The following GRK5 variants were observed in gnomAD, a reference collection of about 807,000 sequenced individuals.
The protein encoded by GRK5 is g protein-coupled receptor kinase GRK5.
In GRK5, 40 loss-of-function variants were observed where a neutral mutation model predicts 78.4. The observed-to-expected ratio is 0.51, with a 90% CI of 0.40 to 0.66. The LOEUF is 0.66. Ranked by LOEUF, GRK5 falls within the 30% of genes least tolerant of loss-of-function variation. The pLI is 0.00. For synonymous variants in GRK5, 289 were observed against 296.8 expected (o/e 0.97, Z 0.27); for missense variants, 598 against 759.9 (o/e 0.79, Z 2.50).
chr10:119,382,923 C>CT (rs71016567), intron 3 of GRK5, among the ~76,000 whole-genome samples: 8,950 of 149,080 alleles, frequency 0.06, 394 homozygotes, highest in Non-Finnish European at 0.088. Flanking sequence ...ATATTTCTTT[C>CT]TTTTTTTTTT....
At chr10:119,425,771 T>C (rs1218193501) in intron 6 of GRK5, among the ~76,000 whole-genome samples, 1 of 152,266 alleles carries the variant, frequency 6.6e-6, no homozygotes, top group Non-Finnish European at 1.5e-5. Context: ...TGTCTTTTCT[T>C]GTGTGCTTGC....
At chr10:119,374,206 G>T (rs1180855386) in intron 2 of GRK5, among the ~76,000 whole-genome samples, 1 of 152,204 alleles carries the variant, frequency 6.6e-6, no homozygotes, top group African/African-American at 2.4e-5. Flanking sequence ...GGGGCTTAGA[G>T]GTTATTATTC....
intron 1 of GRK5, among the ~76,000 whole-genome samples, chr10:119,297,179 A>G (rs918350991): frequency 1.1e-4 from 17 of 152,234 alleles, no homozygotes; most frequent in African/African-American, 4.1e-4. Context: ...TTGGTTTGGA[A>G]ATAGAAGCTA....
At chr10:119,312,194 G>C (rs1850370929) in intron 1 of GRK5, among the ~76,000 whole-genome samples, 1 of 152,228 alleles carries the variant, frequency 6.6e-6, no homozygotes, top group African/African-American at 2.4e-5. Context: ...GGGATTACAG[G>C]CGTGAGCCTC....
At chr10:119,211,232 G>C (rs1271490948) in intron 1 of GRK5, among the ~76,000 whole-genome samples, 1 of 152,080 alleles carries the variant, frequency 6.6e-6, no homozygotes, top group Admixed American at 6.6e-5. Context: ...AGTGCTTAAG[G>C]AAAAAAAGAA....
rs952467654 is a variant in GRK5 at position 119,207,817 on chromosome 10, C to T, written c.-101C>T. 3.1e-5 allele frequency: 36 copies of T among 1,158,464 alleles called. No individual in the cohort carries two copies. Among genetic ancestry groups the T allele is most frequent in the Non-Finnish European group, 4.1e-5 (34 of 826,292 alleles). The allele number at this position is 1,158,464 out of a possible 1,614,324, so 71.8% of individuals were successfully genotyped here. On this transcript the variant is annotated 5_prime_UTR_variant, in exon 1 of 16. Coordinates refer to ENST00000392870, the MANE Select transcript of GRK5 (RefSeq NM_005308.3). ...GGCGGGCTGCTGGCTCCCCCGGCTC[C>T]GGCAGCAGCGGCGGCAGCCCGAGCA...
intron 2 of GRK5, among the ~76,000 whole-genome samples, chr10:119,335,236 T>C (rs528176149): frequency 3.4e-5 from 5 of 147,436 alleles, no homozygotes; most frequent in African/African-American, 1.2e-4. Context: ...TCTTTATCTT[T>C]CTCTGATATT....
chr10:119,392,983 G>GT (rs1232445749), intron 3 of GRK5, among the ~76,000 whole-genome samples: 1 of 152,250 alleles, frequency 6.6e-6, no homozygotes, highest in African/African-American at 2.4e-5. Context: ...GGGCAAGGGT[G>GT]TTCTCAGGGC....
chr10:119,411,842 C>CTTTTTTTTTTTT (rs10578557), intron 4 of GRK5, among the ~76,000 whole-genome samples: 3,040 of 95,670 alleles, frequency 0.032, 606 homozygotes, highest in Admixed American at 0.049. Context: ...AGATCTGCTT[C>CTTTTTTTTTTTT]TTTTTTTTTT....
chr10:119,208,561 C>T (rs1848428539), intron 1 of GRK5: 2 of 152,176 alleles, frequency 1.3e-5, no homozygotes, highest in Non-Finnish European at 2.9e-5. Context: ...GTACAGACCA[C>T]CTAGAAAATA....
rs1849589213 is a variant in GRK5, at chr10:119,271,953, C to T, written c.53-54563C>T. Among the ~76,000 whole-genome samples the T allele has an allele frequency of 6.6e-6, 1 of 152,200 alleles. No homozygotes were observed. Among genetic ancestry groups the T allele is most frequent in the African/African-American group, 2.4e-5 (1 of 41,448 alleles). On this transcript the variant is annotated intron_variant, in intron 1 of 15. Transcript: ENST00000392870. This position sits in a 1 kb window ranked among gnomAD's most constrained non-coding sequence, Gnocchi z 4.1. ...ACTCTTATTCCTTGTCTGTGGGGCC[C>T]TGTTTTGTGGGCTTGCCACAGTCTC...
At chr10:119,233,741 A>C in intron 1 of GRK5, among the ~76,000 whole-genome samples, 1 of 151,940 alleles carries the variant, frequency 6.6e-6, no homozygotes, top group East Asian at 1.9e-4. Context: ...GGTCAGGAGG[A>C]GCCAGCCCCC....
chr10:119,285,961 C>T (rs890426451), intron 1 of GRK5, among the ~76,000 whole-genome samples: 2 of 150,514 alleles, frequency 1.3e-5, no homozygotes, highest in Admixed American at 6.6e-5. Flanking sequence ...CTTGCAAGCT[C>T]ATATTAGATG....
chr10:119,306,109 C>G (rs1419985584), intron 1 of GRK5, among the ~76,000 whole-genome samples: 1 of 152,134 alleles, frequency 6.6e-6, no homozygotes, highest in Admixed American at 6.5e-5. Context: ...CAGTGCCCGC[C>G]TGGGCTGGAT....
intron 6 of GRK5, among the ~76,000 whole-genome samples, chr10:119,426,692 C>CA (rs1332594473): frequency 6.6e-6 from 1 of 152,110 alleles, no homozygotes; most frequent in Non-Finnish European, 1.5e-5. Flanking sequence ...CCATCACCAC[C>CA]ATCATCAGCA....
chr10:119,359,135 G>A (rs1851316466), intron 2 of GRK5, among the ~76,000 whole-genome samples: 1 of 152,194 alleles, frequency 6.6e-6, no homozygotes, highest in Non-Finnish European at 1.5e-5. Flanking sequence ...GGTCACACCA[G>A]GGGGGTTGCT....
At chr10:119,303,255 TAAC>T (rs1302575715) in intron 1 of GRK5, among the ~76,000 whole-genome samples, 1 of 152,220 alleles carries the variant, frequency 6.6e-6, no homozygotes, top group African/African-American at 2.4e-5. Flanking sequence ...TGTAAACTAA[TAAC>T]GTCTGATAGT....
intron 4 of GRK5, among the ~76,000 whole-genome samples, chr10:119,404,548 T>C (rs2133862951): frequency 6.6e-6 from 1 of 152,398 alleles, no homozygotes; most frequent in South Asian, 2.1e-4. Context: ...GTTACTTGTT[T>C]TTAAATAACT....
intron 1 of GRK5, among the ~76,000 whole-genome samples, chr10:119,299,252 G>T (rs1214618650): frequency 6.6e-6 from 1 of 152,064 alleles, no homozygotes; most frequent in Admixed American, 6.6e-5. Flanking sequence ...AGACCAGCCT[G>T]GCCAACATGG....
Sources: allele counts gnomAD v4.1 joint callset (sites outside exome capture counted in the v4.1 genomes callset), GRCh38; gene constraint gnomAD v4.1.1; non-coding constraint Gnocchi (gnomAD v3.1); transcripts MANE v1.5; gene names NCBI Gene and HGNC (gene_info 2026-07-23, HGNC 2026-07-21).